Variants in MCHR2 observed in about 807,000 individuals in gnomAD.
MCHR2 encodes the protein melanin concentrating hormone receptor 2.
In MCHR2, 15 loss-of-function variants were observed where a neutral mutation model predicts 24.8. The ratio of observed to expected loss-of-function variants is 0.60; its 90% confidence interval spans 0.40 to 0.93. MCHR2 has a LOEUF of 0.93. MCHR2 is among the 40% of genes least tolerant of loss of function. The pLI is 0.00. For missense variants in MCHR2, 386 were observed against 408.7 expected (o/e 0.94, Z 0.48); for synonymous variants, 151 against 147.6 (o/e 1.02, Z -0.17).
At chr6:99,990,046 T>C (rs1775840794) in intron 1 of MCHR2, among the ~76,000 whole-genome samples, 1 of 48,280 alleles carries the variant, frequency 2.1e-5, no homozygotes, top group Non-Finnish European at 3.9e-5. Flanking sequence ...GCAAGTTCAT[T>C]GGCTTTAAAA....
intron 5 of MCHR2, among the ~76,000 whole-genome samples, chr6:99,930,685 T>G (rs1055933735): frequency 6.6e-6 from 1 of 152,212 alleles, no homozygotes; most frequent in Non-Finnish European, 1.5e-5. Context: ...GGCTCTCAGC[T>G]CCATCAGCTC....
At chr6:99,942,879 A>G (rs1380583225) in intron 4 of MCHR2, 70 bp downstream of exon 4, 4 of 1,349,104 alleles carry the variant, frequency 3.0e-6, no homozygotes, top group East Asian at 4.7e-5. Context: ...GGCTGCTCAC[A>G]TGTTGACAAG....
chr6:99,921,327 C>T, intron 5 of MCHR2, 72 bp from the exon 6 acceptor site: 6 of 1,392,350 alleles, frequency 4.3e-6, no homozygotes, highest in East Asian at 2.3e-5. Flanking sequence ...GTTCCTAGAA[C>T]CTTTTGGACA....
intron 1 of MCHR2, among the ~76,000 whole-genome samples, chr6:99,973,065 G>T (rs935277076): frequency 3.2e-4 from 49 of 152,046 alleles, no homozygotes; most frequent in Non-Finnish European, 5.6e-4. Flanking sequence ...GAGTTCTGTA[G>T]ATGTCTATTA....
At chr6:99,961,907 T>A (rs1438510609) in intron 1 of MCHR2, among the ~76,000 whole-genome samples, 5 of 152,102 alleles carry the variant, frequency 3.3e-5, no homozygotes, top group Non-Finnish European at 7.4e-5. Flanking sequence ...CCAACCACAA[T>A]GGAATGAAAT....
At position 99,974,205 on chromosome 6, in the gene MCHR2, T is replaced by C. The variant is rs112898659; in HGVS notation, c.-27-18031A>G. On this transcript the variant is annotated intron_variant, in intron 1 of 5. Transcript: ENST00000281806. ...ATCACTTTCAGGTACACCAATCAGA[T>C]GTAGATTTGGTCTTTTCACATAGTC... Among the ~76,000 whole-genome samples the C allele has an allele frequency of 8.6e-3, 1,307 of 152,338 alleles. 5 individuals carry two copies. The highest frequency in any genetic ancestry group is 0.014 in the Non-Finnish European group (964 of 68,038).
chr6:99,920,644 G>T lies in MCHR2; in HGVS notation c.*296C>A. ...GAGTTTTGAGTCAATGGTCATGGAT[G>T]GCCATTTTCATTAGTGACTAGTTTA... On this transcript the variant is annotated 3_prime_UTR_variant, in exon 6 of 6. Transcript: ENST00000281806. 1 of 296,860 alleles carries T rather than the reference G, an allele frequency of 3.4e-6. No homozygotes were observed. Among genetic ancestry groups the T allele is most frequent in the Non-Finnish European group, 6.4e-6 (1 of 156,556 alleles). The allele number at this position is 296,860 out of a possible 1,614,324, so 18.4% of individuals were successfully genotyped here.
chr6:99,973,196 CTAAG>C (rs1323475802), intron 1 of MCHR2, among the ~76,000 whole-genome samples: 1 of 151,626 alleles, frequency 6.6e-6, no homozygotes, highest in Non-Finnish European at 1.5e-5. Context: ...GTGTGGGAGT[CTAAG>C]TCTCTTTGTA....
chr6:99,977,572 A>G (rs916490568), intron 1 of MCHR2, among the ~76,000 whole-genome samples: 3 of 152,048 alleles, frequency 2.0e-5, no homozygotes. Flanking sequence ...TTACCATTGC[A>G]TTGGTATAAA....
chr6:99,922,730 A>G (rs764784565), intron 5 of MCHR2, among the ~76,000 whole-genome samples: 4 of 152,112 alleles, frequency 2.6e-5, no homozygotes, highest in African/African-American at 9.6e-5. Context: ...TGGGTTTTCT[A>G]TTCTGTTTCA....
intron 1 of MCHR2, among the ~76,000 whole-genome samples, chr6:99,989,838 C>A (rs1775835280): frequency 6.6e-6 from 1 of 152,004 alleles, no homozygotes; most frequent in South Asian, 2.1e-4. Flanking sequence ...CTTAATAGTA[C>A]ACAATTTTAT....
At chr6:99,925,176 T>C (rs1048137813) in intron 5 of MCHR2, among the ~76,000 whole-genome samples, 4 of 152,192 alleles carry the variant, frequency 2.6e-5, no homozygotes, top group African/African-American at 7.2e-5. Context: ...TCTCTTGTTA[T>C]AGTTTTCTAA....
chr6:99,943,505 T>A (rs1165899536), intron 3 of MCHR2, among the ~76,000 whole-genome samples: 1 of 151,190 alleles, frequency 6.6e-6, no homozygotes, highest in East Asian at 2.0e-4. Flanking sequence ...CCCACAACAG[T>A]CCCCAGAGTG....
chr6:99,991,494 C>T (rs534113441), intron 1 of MCHR2, among the ~76,000 whole-genome samples: 6 of 152,224 alleles, frequency 3.9e-5, no homozygotes, highest in South Asian at 2.1e-4. Flanking sequence ...ACATAGTTAT[C>T]GTGAGGATTT....
chr6:99,984,186 G>C (rs1775725709), intron 1 of MCHR2, among the ~76,000 whole-genome samples: 1 of 151,742 alleles, frequency 6.6e-6, no homozygotes, highest in Non-Finnish European at 1.5e-5. Context: ...ACTTATACAT[G>C]AAAGAGAAAC....
chr6:99,944,368 A>C (rs1344191689), intron 3 of MCHR2, among the ~76,000 whole-genome samples: 1 of 152,148 alleles, frequency 6.6e-6, no homozygotes, highest in Non-Finnish European at 1.5e-5. Flanking sequence ...GGGGTGGTGG[A>C]GGATAGTATT....
intron 1 of MCHR2, among the ~76,000 whole-genome samples, chr6:99,974,333 T>G (rs1414236792): frequency 6.6e-6 from 1 of 152,236 alleles, no homozygotes; most frequent in Non-Finnish European, 1.5e-5. Flanking sequence ...CTGATACACT[T>G]TCTTCCAGTT....
In MCHR2 at chr6:99,927,316, T is replaced by C. The variant is rs999130765; in HGVS notation, c.708-6061A>G. 8.5e-5 allele frequency among the ~76,000 whole-genome samples: 13 copies of C among 152,274 alleles called. 1 individual carries two copies. The East Asian group carries it at 1.9e-3, about 23-fold the overall frequency. ...TTGGCTTAGGATTCACTTGGCGATGTGGGCTCTTTTTTGGTTCCATATGAA... is the reference window on the plus strand; with the variant it reads ...TTGGCTTAGGATTCACTTGGCGATGCGGGCTCTTTTTTGGTTCCATATGAA... On this transcript the variant is annotated intron_variant, in intron 5 of 5. Coordinates refer to ENST00000281806, the MANE Select transcript of MCHR2 (RefSeq NM_001040179.2).
intron 5 of MCHR2, among the ~76,000 whole-genome samples, chr6:99,927,960 A>G (rs1774406900): frequency 6.6e-6 from 1 of 152,100 alleles, no homozygotes; most frequent in Non-Finnish European, 1.5e-5. Context: ...TCAGTATGAT[A>G]TTGGCTGTGG....
Sources: allele counts gnomAD v4.1 joint callset (sites outside exome capture counted in the v4.1 genomes callset), GRCh38; gene constraint gnomAD v4.1.1; transcripts MANE v1.5; gene names NCBI Gene and HGNC (gene_info 2026-07-23, HGNC 2026-07-21).